CDK14: variants seen among roughly 807,000 people sequenced by gnomAD.
CDK14 encodes cyclin-dependent kinase 14.
CDK14 carries 34 observed loss-of-function variants against 60.7 expected under a neutral mutation model. The ratio of observed to expected loss-of-function variants is 0.56; its 90% CI spans 0.43 to 0.75. The LOEUF is 0.75. Ranked by LOEUF, CDK14 falls within the 30% of genes least tolerant of loss-of-function variation. The probability of loss-of-function intolerance (pLI) is 0.00; values close to 1 mark genes in which losing one functional copy is unlikely to be tolerated. For missense variants in CDK14, 482 were observed against 564.1 expected (o/e 0.85, Z 1.47); for synonymous variants, 197 against 203.7 (o/e 0.97, Z 0.28).
intron 14 of CDK14, among the ~76,000 whole-genome samples, chr7:91,125,437 A>T (rs931905671): frequency 6.6e-6 from 1 of 152,216 alleles, no homozygotes; most frequent in Non-Finnish European, 1.5e-5. Flanking sequence ...GCTTCTGTGA[A>T]TAAAGCTTTT....
At position 91,064,917 on chromosome 7, in the gene CDK14, G is replaced by GA. The variant is rs59543027; in HGVS notation, c.1106-14510dup. Among the ~76,000 whole-genome samples the GA allele has an allele frequency of 8.1e-3, 1,233 of 152,264 alleles. 19 individuals are homozygous for GA. Among genetic ancestry groups the GA allele is most frequent in the African/African-American group, 0.027 (1,138 of 41,536 alleles). On this transcript the variant is annotated intron_variant, in intron 11 of 14. Transcript: ENST00000380050. Reference sequence around the variant, plus strand: ...TAAATGCCTAACTTAGTTCTCTAGAGAAAAATGTCTTGTGGAAAGAGAAGT... The same window carrying GA: ...TAAATGCCTAACTTAGTTCTCTAGAGAAAAAATGTCTTGTGGAAAGAGAAGT...
At chr7:90,811,944 G>A (rs545793368) in intron 5 of CDK14, among the ~76,000 whole-genome samples, 2,422 of 152,128 alleles carry the variant, frequency 0.016, 22 homozygotes, top group Middle Eastern at 0.031. Flanking sequence ...TTAGAATTGC[G>A]ATCATTAAAA....
chr7:90,808,558 C>T (rs556876990), intron 5 of CDK14, among the ~76,000 whole-genome samples: 5 of 152,316 alleles, frequency 3.3e-5, no homozygotes, highest in African/African-American at 1.2e-4. Flanking sequence ...ACTGCATCAA[C>T]TAACGAGCAA....
chr7:90,646,316 T>A (rs1438561921), intron 2 of CDK14, among the ~76,000 whole-genome samples: 1 of 136,602 alleles, frequency 7.3e-6, no homozygotes, highest in South Asian at 2.3e-4. Context: ...TTTTTTTTTT[T>A]AATTCTGCTG....
chr7:91,184,592 T>A (rs1211028073), intron 14 of CDK14, among the ~76,000 whole-genome samples: 7 of 152,100 alleles, frequency 4.6e-5, no homozygotes, highest in Non-Finnish European at 5.9e-5. Flanking sequence ...TGGGAGCATG[T>A]GAGGACAAGA....
At chr7:90,799,421 C>T (rs1468021788) in intron 5 of CDK14, among the ~76,000 whole-genome samples, 2 of 152,058 alleles carry the variant, frequency 1.3e-5, no homozygotes, top group Admixed American at 1.3e-4. Flanking sequence ...GGTGCGGTGG[C>T]TCACACCTGT....
At chr7:90,950,478 A>C (rs1046595338) in intron 8 of CDK14, among the ~76,000 whole-genome samples, 1 of 152,234 alleles carries the variant, frequency 6.6e-6, no homozygotes, top group East Asian at 1.9e-4. Context: ...ATAAGAGATG[A>C]TATGAGGACC....
intron 11 of CDK14, among the ~76,000 whole-genome samples, chr7:91,072,980 A>G (rs1210358491): frequency 6.6e-6 from 1 of 152,154 alleles, no homozygotes; most frequent in East Asian, 1.9e-4. Flanking sequence ...AAAAAGAATG[A>G]AAAAGAACAA....
intron 10 of CDK14, among the ~76,000 whole-genome samples, chr7:91,015,970 T>C (rs1194356920): frequency 6.6e-6 from 1 of 152,166 alleles, no homozygotes; most frequent in Admixed American, 6.5e-5. Flanking sequence ...TCATTTAAAG[T>C]AATGGGAAAT....
chr7:90,821,403 C>T (rs577357140), intron 5 of CDK14, among the ~76,000 whole-genome samples: 1 of 152,334 alleles, frequency 6.6e-6, no homozygotes, highest in Admixed American at 6.5e-5. Context: ...ACCATGCTCT[C>T]CTGAGTGACC....
intron 14 of CDK14, among the ~76,000 whole-genome samples, chr7:91,170,296 C>T (rs987821262): frequency 2.0e-5 from 3 of 152,140 alleles, no homozygotes; most frequent in African/African-American, 7.2e-5. Flanking sequence ...TTTTGGGGCT[C>T]TTTTAACATT....
chr7:90,840,931 A>G (rs1308631249), intron 5 of CDK14, among the ~76,000 whole-genome samples: 3 of 152,308 alleles, frequency 2.0e-5, no homozygotes, highest in South Asian at 4.1e-4. Context: ...TTTAAAGTGC[A>G]AGTGAATGAA....
intron 5 of CDK14, among the ~76,000 whole-genome samples, chr7:90,803,451 A>G (rs978624096): frequency 6.6e-6 from 1 of 152,186 alleles, no homozygotes; most frequent in Admixed American, 6.5e-5. Flanking sequence ...TAAGAGGGAC[A>G]CTTGGTAGGG....
At chr7:90,962,179 A>G (rs1185935327) in intron 9 of CDK14, among the ~76,000 whole-genome samples, 3 of 139,500 alleles carry the variant, frequency 2.2e-5, no homozygotes, top group African/African-American at 7.9e-5. Flanking sequence ...AAGCACCTCT[A>G]TTTTTATGTC....
chr7:90,812,383 G>A (rs368281102), intron 5 of CDK14, among the ~76,000 whole-genome samples: 3 of 151,894 alleles, frequency 2.0e-5, no homozygotes, highest in African/African-American at 4.8e-5. Context: ...AACCAAACAC[G>A]GCATGTTCTC....
chr7:91,095,849 T>C (rs1288406323), intron 12 of CDK14, among the ~76,000 whole-genome samples: 2 of 152,090 alleles, frequency 1.3e-5, no homozygotes, highest in Non-Finnish European at 2.9e-5. Flanking sequence ...ATTATTTTTC[T>C]ACTTTCCCAA....
intron 5 of CDK14, among the ~76,000 whole-genome samples, chr7:90,810,271 C>G (rs897515840): frequency 2.0e-5 from 3 of 152,178 alleles, no homozygotes; most frequent in Non-Finnish European, 4.4e-5. Context: ...GTTTATCCAC[C>G]ATGATCAAGT....
intron 5 of CDK14, among the ~76,000 whole-genome samples, chr7:90,798,798 A>G (rs752472078): frequency 2.0e-5 from 3 of 152,222 alleles, no homozygotes; most frequent in African/African-American, 7.2e-5. Flanking sequence ...ATTCAAGTTC[A>G]GGCGCTTTGA....
intron 9 of CDK14, chr7:90,979,266 T>C (rs1401514204): frequency 6.6e-6 from 1 of 152,216 alleles, no homozygotes; most frequent in East Asian, 1.9e-4. Flanking sequence ...GAATATGGAC[T>C]TCTGCTCTCT....
Sources: gnomAD v4.1 joint callset for allele counts (sites outside exome capture counted in the v4.1 genomes callset) on GRCh38, gnomAD v4.1.1 for gene constraint, MANE v1.5 for transcripts, NCBI Gene and HGNC (gene_info 2026-07-23, HGNC 2026-07-21) for gene names.